DPYD: variants seen among roughly 807,000 people sequenced by gnomAD.
The protein encoded by DPYD is dihydropyrimidine dehydrogenase [NADP(+)].
Under a neutral mutation model 116.2 loss-of-function variants are expected in DPYD, and 109 were observed. The observed-to-expected ratio is 0.94, with a 90% CI of 0.80 to 1.10. DPYD has a LOEUF of 1.10. Among genes scored for constraint, DPYD ranks in the 50% least tolerant of loss-of-function variants. The probability of loss-of-function intolerance (pLI) is 0.00; values close to 1 mark genes in which losing one functional copy is unlikely to be tolerated. For synonymous variants in DPYD, 440 were observed against 432.0 expected, an observed-to-expected ratio of 1.02 and a Z score of -0.23; for missense variants, 1,302 against 1,254.5, an observed-to-expected ratio of 1.04 and a Z score of -0.57.
chr1:97,784,186 A>G (rs1246650206), intron 3 of DPYD, among the ~76,000 whole-genome samples: 1 of 152,194 alleles, frequency 6.6e-6, no homozygotes, highest in Non-Finnish European at 1.5e-5. Flanking sequence ...GCAAAATGGG[A>G]GACATGACGA....
intron 16 of DPYD, among the ~76,000 whole-genome samples, chr1:97,354,576 A>G (rs1186434694): frequency 6.6e-6 from 1 of 152,196 alleles, no homozygotes. Context: ...AGACATGTGA[A>G]GCTTAAAATA....
At chr1:97,805,864 G>A (rs1668057776) in intron 3 of DPYD, among the ~76,000 whole-genome samples, 1 of 151,728 alleles carries the variant, frequency 6.6e-6, no homozygotes, top group Non-Finnish European at 1.5e-5. Context: ...AATTCAAGAG[G>A]TTTGTGGGAG....
At chr1:97,718,329 T>G (rs1662729584) in intron 5 of DPYD, among the ~76,000 whole-genome samples, 1 of 151,870 alleles carries the variant, frequency 6.6e-6, no homozygotes, top group Non-Finnish European at 1.5e-5. Context: ...TTTTTCTCGC[T>G]GATTTGTTTG....
chr1:97,547,418 T>C (rs1293412934), intron 12 of DPYD, among the ~76,000 whole-genome samples: 4 of 152,136 alleles, frequency 2.6e-5, no homozygotes, highest in Non-Finnish European at 5.9e-5. Flanking sequence ...CTGCTATCTA[T>C]CCTTCAGTCA....
chr1:97,696,142 G>GA (rs1661292133), intron 6 of DPYD, among the ~76,000 whole-genome samples: 1 of 132,460 alleles, frequency 7.5e-6, no homozygotes, highest in Non-Finnish European at 1.6e-5. Flanking sequence ...AAAAAAGAAA[G>GA]AAAAAAGAAA....
chr1:97,520,210 C>A (rs564004045), intron 12 of DPYD, among the ~76,000 whole-genome samples: 29 of 152,196 alleles, frequency 1.9e-4, no homozygotes, highest in African/African-American at 5.5e-4. Context: ...CAGACAAGGT[C>A]TCTGACATTT....
chr1:97,150,048 T>G (rs929404620), intron 20 of DPYD, among the ~76,000 whole-genome samples: 10 of 152,312 alleles, frequency 6.6e-5, no homozygotes, highest in African/African-American at 2.4e-4. Context: ...CTCTAACTTG[T>G]GCCACAAAGG....
chr1:97,545,755 A>G, intron 12 of DPYD: 2 of 1,547,824 alleles, frequency 1.3e-6, no homozygotes, highest in Admixed American at 1.7e-5. Flanking sequence ...TCGTGCTCCA[A>G]CTTTGGCATC....
chr1:97,731,415 C>CA (rs1236850904), intron 4 of DPYD, among the ~76,000 whole-genome samples: 3 of 151,864 alleles, frequency 2.0e-5, no homozygotes, highest in Admixed American at 6.6e-5. Context: ...AAGTAGTTTT[C>CA]AAAAAAACTA....
chr1:97,153,651 A>T (rs1196833279), intron 20 of DPYD, among the ~76,000 whole-genome samples: 1 of 152,118 alleles, frequency 6.6e-6, no homozygotes, highest in Non-Finnish European at 1.5e-5. Context: ...AATAGATGAG[A>T]CTTAATTAGA....
At chr1:97,350,724 T>C (rs1670094614) in intron 16 of DPYD, among the ~76,000 whole-genome samples, 1 of 152,140 alleles carries the variant, frequency 6.6e-6, no homozygotes, top group Non-Finnish European at 1.5e-5. Flanking sequence ...TTGTTCAGGG[T>C]TGTTTTACAT....
chr1:97,534,761 C>T (rs964608617), intron 12 of DPYD, among the ~76,000 whole-genome samples: 5 of 152,044 alleles, frequency 3.3e-5, no homozygotes, highest in East Asian at 1.9e-4. Context: ...CAGTATAGTT[C>T]TCCATTTTTT....
Position 97,410,953 on chromosome 1 carries a change from C to T in DPYD, c.1906-28492G>A, listed in dbSNP as rs1204352985. 2.6e-5 allele frequency among the ~76,000 whole-genome samples: 4 copies of T among 152,036 alleles called. No individual in the cohort carries two copies. In the East Asian group the frequency reaches 7.7e-4, roughly 29 times the overall value. The stretch of plus-strand genomic sequence containing the variant: ...CTGATTTGAAGGACCCATAGAGGGC[C>T]ACTATTGCAAACAGATACTACGTCA... On this transcript the variant is annotated intron_variant, in intron 14 of 22. Coordinates refer to ENST00000370192, the MANE Select transcript of DPYD (RefSeq NM_000110.4).
chr1:97,543,439 A>G (rs1650597638), intron 12 of DPYD, among the ~76,000 whole-genome samples: 1 of 152,206 alleles, frequency 6.6e-6, no homozygotes, highest in Admixed American at 6.5e-5. Context: ...TCTTCAAACA[A>G]TCACATTTAT....
At chr1:97,766,002 A>C (rs1196580554) in intron 3 of DPYD, among the ~76,000 whole-genome samples, 1 of 152,070 alleles carries the variant, frequency 6.6e-6, no homozygotes, top group Non-Finnish European at 1.5e-5. Context: ...GCAGCACTTC[A>C]GGAGGCCAGG....
At chr1:97,379,636 G>A (rs1671829274) in intron 15 of DPYD, among the ~76,000 whole-genome samples, 1 of 152,168 alleles carries the variant, frequency 6.6e-6, no homozygotes, top group Admixed American at 6.5e-5. Flanking sequence ...CCATCAGGAG[G>A]CTCTGGCCTT....
At chr1:97,330,763 C>T (rs919738259) in intron 16 of DPYD, among the ~76,000 whole-genome samples, 3 of 152,114 alleles carry the variant, frequency 2.0e-5, no homozygotes, top group Non-Finnish European at 2.9e-5. Flanking sequence ...TATCCATTTG[C>T]TTTTATAGTT....
chr1:97,594,949 A>C, intron 9 of DPYD, 110 bp downstream of exon 9: 1 of 820,126 alleles, frequency 1.2e-6, no homozygotes, highest in Non-Finnish European at 1.9e-6. Flanking sequence ...GTCTTAGGCA[A>C]GGTTGGGTGT....
At chr1:97,358,371 C>A (rs1006742142) in intron 16 of DPYD, among the ~76,000 whole-genome samples, 12 of 152,194 alleles carry the variant, frequency 7.9e-5, no homozygotes, top group Non-Finnish European at 1.5e-4. Flanking sequence ...CCTCTGGGGG[C>A]AGGGCATAGC....
Sources: allele counts gnomAD v4.1 joint callset (sites outside exome capture counted in the v4.1 genomes callset), GRCh38; gene constraint gnomAD v4.1.1; transcripts MANE v1.5; gene names NCBI Gene and HGNC (gene_info 2026-07-23, HGNC 2026-07-21).